The following SAFB variants were observed in gnomAD, a reference collection of about 807,000 sequenced individuals.
SAFB encodes scaffold attachment factor B.
In SAFB, 15 loss-of-function variants were observed where a neutral mutation model predicts 101.6. That is an observed-to-expected ratio of 0.15 (90% confidence interval 0.10 to 0.23). The LOEUF (loss-of-function observed/expected upper bound fraction) is 0.23, where lower values mean the gene tolerates loss of function less well. Among genes scored for constraint, SAFB ranks in the 10% least tolerant of loss-of-function variants. SAFB has a pLI of 1.00. For synonymous variants in SAFB, 449 were observed against 407.5 expected, an observed-to-expected ratio of 1.10 and a Z score of -1.23; for missense variants, 930 against 1,104.1, an observed-to-expected ratio of 0.84 and a Z score of 2.23.
intron 15 of SAFB, among the ~76,000 whole-genome samples, chr19:5,663,806 C>G (rs73920040): frequency 2.0e-5 from 3 of 152,102 alleles, no homozygotes; most frequent in Non-Finnish European, 2.9e-5. Context: ...TTTGGAAAAC[C>G]GAGGCCGCTT....
intron 13 of SAFB, among the ~76,000 whole-genome samples, chr19:5,654,993 G>A (rs75094437): frequency 1.3e-5 from 2 of 152,120 alleles, no homozygotes; most frequent in African/African-American, 2.4e-5. Flanking sequence ...TCCCTGAGTC[G>A]GTGTGTGGCA....
chr19:5,640,216 A>G (rs566252785), intron 2 of SAFB, among the ~76,000 whole-genome samples: 5 of 152,350 alleles, frequency 3.3e-5, no homozygotes, highest in East Asian at 3.9e-4. Context: ...CAGGTGATCA[A>G]CAACAAAAAG....
intron 1 of SAFB, chr19:5,623,999 T>C (rs2053271298): frequency 6.6e-6 from 1 of 152,298 alleles, no homozygotes; most frequent in African/African-American, 2.4e-5. Context: ...TGAAGTAACG[T>C]GGCAGGAAGG....
intron 11 of SAFB, among the ~76,000 whole-genome samples, 194 bp from the exon 12 acceptor site, chr19:5,653,867 C>A (rs949027688): frequency 1.6e-4 from 24 of 152,004 alleles, no homozygotes; most frequent in African/African-American, 5.6e-4. Flanking sequence ...AACCAATTCT[C>A]ATGCCTCAGC....
intron 14 of SAFB, among the ~76,000 whole-genome samples, chr19:5,659,694 A>AG (rs1223398525): frequency 1.1e-4 from 17 of 148,588 alleles, no homozygotes; most frequent in Non-Finnish European, 1.8e-4. Flanking sequence ...TCCTTTAAAA[A>AG]GAAAAAAAAA....
At chr19:5,647,981 A>T in intron 5 of SAFB, 35 bp from the exon 6 acceptor site, 3 of 1,593,554 alleles carry the variant, frequency 1.9e-6, no homozygotes, top group Non-Finnish European at 2.6e-6. Context: ...GGTGTCATTC[A>T]TCTGGCACAG....
chr19:5,664,054 G>A lies in SAFB; in HGVS notation c.2186G>A (p.Arg729Gln), dbSNP rs201408665. The A allele has an allele frequency of 1.2e-6, 2 of 1,614,016 alleles. No homozygotes were observed. The highest frequency in any genetic ancestry group is 1.7e-6 in the Non-Finnish European group (2 of 1,180,022). ...GATGCCTATTGGCCGGAAGCCAAGC[G>A]GGCCGCCCTGGATGAGCGCTACCAT... ...RDDAYWPEAK[R>Q]AALDERYHSD... Residue 729 changes from arginine (R) to glutamine (Q), a missense_variant, in exon 16 of 21, where the codon CGG becomes CAG. Transcript: ENST00000588852.
At chr19:5,651,218 CAG>C in intron 9 of SAFB, 146 bp downstream of exon 9, 1 of 555,256 alleles carries the variant, frequency 1.8e-6, no homozygotes, top group South Asian at 2.7e-5. Context: ...TGCCCGTCCA[CAG>C]GTAGAGGTGA....
chr19:5,650,052 C>T (rs1042090651), intron 8 of SAFB, 77 bp downstream of exon 8: 20 of 1,131,244 alleles, frequency 1.8e-5, no homozygotes, highest in Middle Eastern at 2.0e-4. Flanking sequence ...TCTGGTTCAT[C>T]GCGTGCTATG....
intron 13 of SAFB, 114 bp downstream of exon 13, chr19:5,654,570 C>G (rs901683125): frequency 1.3e-6 from 1 of 757,390 alleles, no homozygotes; most frequent in East Asian, 2.5e-5. Context: ...TCGGCCGTTT[C>G]GAAAATGTAG....
intron 4 of SAFB, among the ~76,000 whole-genome samples, chr19:5,643,650 G>A (rs2053767754): frequency 6.6e-6 from 1 of 152,142 alleles, no homozygotes. Flanking sequence ...TGCAACAAAA[G>A]CTGGAAACAT....
chr19:5,653,454 G>C (rs763091082), intron 11 of SAFB, 34 bp downstream of exon 11: 1 of 1,593,584 alleles, frequency 6.3e-7, no homozygotes, highest in Non-Finnish European at 8.6e-7. Context: ...TAAAGGGGCA[G>C]GGTGTTTTTT....
chr19:5,648,094 T>C (rs1008620489), intron 6 of SAFB, 51 bp downstream of exon 6: 2 of 1,421,458 alleles, frequency 1.4e-6, no homozygotes, highest in African/African-American at 1.4e-5. Context: ...CATTCTAGTT[T>C]TCCACCTTCT....
intron 4 of SAFB, among the ~76,000 whole-genome samples, chr19:5,643,972 T>G (rs2053774435): frequency 6.6e-6 from 1 of 152,218 alleles, no homozygotes; most frequent in Non-Finnish European, 1.5e-5. Flanking sequence ...TTCGGAAGAT[T>G]CAATGGATGG....
At chr19:5,626,239 T>C (rs1018960184) in intron 1 of SAFB, among the ~76,000 whole-genome samples, 166 bp from the exon 2 acceptor site, 4 of 152,120 alleles carry the variant, frequency 2.6e-5, no homozygotes, top group Non-Finnish European at 4.4e-5. Flanking sequence ...CGGTCTCCAG[T>C]GTAGAGCGAG....
At position 5,667,285 on chromosome 19, in the gene SAFB, C is replaced by CA; in HGVS notation, c.2454-61dup. 7.4e-7 allele frequency: 1 copy of CA among 1,344,082 alleles called. No individual in the cohort carries two copies. The highest frequency in any genetic ancestry group is 1.0e-6 in the Non-Finnish European group (1 of 996,556). The allele number at this position is 1,344,082 out of a possible 1,614,324, so 83.3% of individuals were successfully genotyped here. On this transcript the variant is annotated intron_variant, in intron 18 of 20. Coordinates refer to ENST00000588852, the MANE Select transcript of SAFB (RefSeq NM_001201338.2). The surrounding 1 kb of genome is among the most constrained non-coding windows in gnomAD (Gnocchi z 4.0). ...GGGATTCACTCTCCAGAAGCCGCCA[C>CA]AGTTATTAGCACAAGAGCCAGAGAT... is the stretch of plus-strand genomic sequence containing the variant.
intron 2 of SAFB, among the ~76,000 whole-genome samples, chr19:5,627,446 G>A (rs969984581): frequency 1.7e-4 from 26 of 152,184 alleles, no homozygotes; most frequent in African/African-American, 6.3e-4. Flanking sequence ...CCAACATGGA[G>A]TCCAAAAAGT....
Position 5,661,796 on chromosome 19 carries a change from A to G in SAFB, c.2141A>G (p.Tyr714Cys), listed in dbSNP as rs374424108. The G allele has an allele frequency of 4.7e-5, 72 of 1,547,960 alleles. No homozygotes were observed. Among genetic ancestry groups the G allele is most frequent in the Non-Finnish European group, 5.6e-5 (64 of 1,148,118 alleles). ...QERRPAVRRP[Y>C]DLDRRDDAYW... The stretch of plus-strand genomic sequence containing the variant: ...CGGCGGCCCGCGGTGCGGCGGCCCT[A>G]CGACCTGGACCGGTAAGCAGATCCA... Residue 714 changes from tyrosine to cysteine, a missense_variant, in exon 15 of 21, where the codon TAC becomes TGC. Around this residue, in one of 7 missense-constraint regions of SAFB, gnomAD observed 318 missense variants for 342.6 expected, o/e 0.93. Transcript: ENST00000588852.
At chr19:5,623,527 C>T in intron 1 of SAFB, 133 bp downstream of exon 1, 1 of 708,576 alleles carries the variant, frequency 1.4e-6, no homozygotes, top group Non-Finnish European at 2.2e-6. Context: ...CTCGCGTCCC[C>T]CGGCTCCTCC....
Sources: gnomAD v4.1 joint callset for allele counts (sites outside exome capture counted in the v4.1 genomes callset) on GRCh38, gnomAD v4.1.1 for gene constraint, gnomAD v4.1.1 regional missense constraint, Gnocchi (gnomAD v3.1) non-coding constraint, MANE v1.5 for transcripts, NCBI Gene and HGNC (gene_info 2026-07-23, HGNC 2026-07-21) for gene names.